Variants in MBTD1 observed in about 807,000 individuals in gnomAD.
MBTD1 encodes MBT domain-containing protein 1.
A neutral mutation model predicts 87.8 loss-of-function variants in MBTD1; 24 were observed. That is an observed-to-expected ratio of 0.27 (90% confidence interval 0.20 to 0.38). The LOEUF (loss-of-function observed/expected upper bound fraction) is 0.38, where lower values mean the gene tolerates loss of function less well. MBTD1 is among the 10% of genes least tolerant of loss of function. The probability of loss-of-function intolerance (pLI) is 1.00; values close to 1 mark genes in which losing one functional copy is unlikely to be tolerated. For missense variants in MBTD1, 436 were observed against 760.2 expected (o/e 0.57, Z 5.02); for synonymous variants, 237 against 248.6 (o/e 0.95, Z 0.44).
chr17:51,206,796 G>T, intron 7 of MBTD1, 92 bp downstream of exon 7: 1 of 826,838 alleles, frequency 1.2e-6, no homozygotes, highest in Non-Finnish European at 2.0e-6. Context: ...TTTTTATTTG[G>T]CAATACTTGC....
At chr17:51,207,053 A>C (rs1253502106) in intron 6 of MBTD1, 48 bp from the exon 7 acceptor site, 1 of 991,264 alleles carries the variant, frequency 1.0e-6, no homozygotes, top group South Asian at 1.4e-5. Context: ...CATAAAGCCT[A>C]AAACATATCA....
intron 12 of MBTD1, among the ~76,000 whole-genome samples, chr17:51,200,264 A>C (rs2051383978): frequency 6.6e-6 from 1 of 152,072 alleles, no homozygotes; most frequent in Non-Finnish European, 1.5e-5. Context: ...CTGAGACCTT[A>C]AAAAAATGCC....
Position 51,203,903 on chromosome 17 carries a change from A to G in MBTD1, c.627T>C (p.Tyr209=), listed in dbSNP as rs1389127172. Residue 209 remains tyrosine, a synonymous_variant, in exon 8 of 17, where the codon TAT becomes TAC. Transcript: ENST00000586178. The stretch of plus-strand genomic sequence containing the variant: ...GACCAGAGTCATTTTCAAATCCTTC[A>G]TATCTTAAAAGGGCATTGTAACCTG... The part of the protein sequence containing the change: ...KLAGYNALLR[Y]EGFENDSGLD... 1.4e-5 allele frequency: 23 copies of G among 1,609,948 alleles called. No individual in the cohort carries two copies. The highest frequency in any genetic ancestry group is 1.6e-4 in the Middle Eastern group (1 of 6,076).
In MBTD1 at chr17:51,207,897, C is replaced by T. The variant is rs145064221; in HGVS notation, c.487-892G>A. On this transcript the variant is annotated intron_variant, in intron 6 of 16. Coordinates refer to ENST00000586178, the MANE Select transcript of MBTD1 (RefSeq NM_017643.3). ...TGATAACACTAAACAGTTTGTGTTG[C>T]TCTGGACAGTCAGTTCCTCATTCAA... Among the ~76,000 whole-genome samples, 8 of 152,290 alleles carry T rather than the reference C, an allele frequency of 5.3e-5. 1 individual carries two copies. The highest frequency in any genetic ancestry group is 7.4e-5 in the Non-Finnish European group (5 of 68,020).
At chr17:51,258,294 T>C (rs1364155430) in intron 2 of MBTD1, among the ~76,000 whole-genome samples, 6 of 152,190 alleles carry the variant, frequency 3.9e-5, no homozygotes, top group Non-Finnish European at 8.8e-5. Flanking sequence ...TCCAAGATTC[T>C]TAGGCCAATA....
chr17:51,260,392 G>A (rs1249717700), upstream of MBTD1: 4 of 620,632 alleles, frequency 6.4e-6, no homozygotes, highest in Non-Finnish European at 1.1e-5. Flanking sequence ...CCTCCCGGAG[G>A]AACTCCCACA....
intron 6 of MBTD1, chr17:51,209,270 C>A (rs2052031212): frequency 4.6e-6 from 2 of 436,182 alleles, no homozygotes; most frequent in African/African-American, 2.0e-5. Context: ...ATTGGCATAG[C>A]ATGAACTAGC....
At chr17:51,241,422 A>G (rs935635250) in intron 2 of MBTD1, among the ~76,000 whole-genome samples, 1 of 152,196 alleles carries the variant, frequency 6.6e-6, no homozygotes. Flanking sequence ...TTTAGGATCC[A>G]ATGATTCTTG....
At chr17:51,187,678 C>T (rs997706709) in intron 16 of MBTD1, among the ~76,000 whole-genome samples, 5 of 151,754 alleles carry the variant, frequency 3.3e-5, no homozygotes, top group South Asian at 2.1e-4. Flanking sequence ...AGTGAAACCC[C>T]GTCTCTACTA....
chr17:51,245,270 T>TA (rs1356160148), intron 2 of MBTD1, among the ~76,000 whole-genome samples: 24 of 152,180 alleles, frequency 1.6e-4, no homozygotes, highest in Admixed American at 1.4e-3. Flanking sequence ...TTAGGGTTTT[T>TA]AGTCTTAATT....
intron 10 of MBTD1, 42 bp downstream of exon 10, chr17:51,202,659 T>G: frequency 6.3e-6 from 9 of 1,427,584 alleles, no homozygotes; most frequent in Non-Finnish European, 5.9e-6. Flanking sequence ...ATAATCAGCC[T>G]CAATGATGCT....
intron 2 of MBTD1, among the ~76,000 whole-genome samples, chr17:51,228,293 T>C (rs900609697): frequency 1.3e-5 from 2 of 152,116 alleles, no homozygotes; most frequent in African/African-American, 4.8e-5. Flanking sequence ...GCTTAGTATC[T>C]GGGTGATGAA....
At chr17:51,199,923 C>T (rs1203031437) in intron 12 of MBTD1, among the ~76,000 whole-genome samples, 3 of 151,942 alleles carry the variant, frequency 2.0e-5, no homozygotes. Flanking sequence ...CTCCCGGGTT[C>T]AAGTGATTCT....
intron 6 of MBTD1, among the ~76,000 whole-genome samples, chr17:51,216,240 T>C (rs1045681287): frequency 1.1e-4 from 16 of 152,264 alleles, no homozygotes; most frequent in Admixed American, 9.8e-4. Flanking sequence ...CCTAGAGCCC[T>C]AAGTTAACAA....
chr17:51,200,066 C>A (rs1219805161), intron 12 of MBTD1, among the ~76,000 whole-genome samples: 2 of 152,204 alleles, frequency 1.3e-5, no homozygotes, highest in Non-Finnish European at 1.5e-5. Flanking sequence ...ACCTCGTGAT[C>A]CGCTTGCCTT....
In MBTD1 at chr17:51,216,322, A is replaced by C. The variant is rs555835998; in HGVS notation, c.486+1012T>G. ...TCTTCTTAAACATGTATAGCAGCAG[A>C]AAAGATCTTTAAGTATTAATTAAAG... is the stretch of plus-strand genomic sequence containing the variant. On this transcript the variant is annotated intron_variant, in intron 6 of 16. Transcript: ENST00000586178. Among the ~76,000 whole-genome samples the C allele has an allele frequency of 1.2e-4, 19 of 152,362 alleles. No homozygotes were observed. In the South Asian group the frequency reaches 3.7e-3, roughly 30 times the overall value.
intron 1 of MBTD1, 119 bp from the exon 2 acceptor site, chr17:51,259,325 T>C (rs2055302333): frequency 1.8e-6 from 2 of 1,132,150 alleles, no homozygotes; most frequent in Admixed American, 4.3e-5. Flanking sequence ...CACTCCCACC[T>C]CTCCCGCACG....
intron 16 of MBTD1, among the ~76,000 whole-genome samples, chr17:51,187,539 G>C (rs2050595053): frequency 6.6e-6 from 1 of 152,000 alleles, no homozygotes; most frequent in Admixed American, 6.6e-5. Flanking sequence ...CAGGCATAGT[G>C]CATTAATCAT....
At chr17:51,235,320 G>C (rs535565788) in intron 2 of MBTD1, among the ~76,000 whole-genome samples, 1 of 151,962 alleles carries the variant, frequency 6.6e-6, no homozygotes, top group South Asian at 2.1e-4. Flanking sequence ...ATTTTTAGTA[G>C]AGATGGGGGG....
Sources: gnomAD v4.1 joint callset for allele counts (sites outside exome capture counted in the v4.1 genomes callset) on GRCh38, gnomAD v4.1.1 for gene constraint, MANE v1.5 for transcripts, NCBI Gene and HGNC (gene_info 2026-07-23, HGNC 2026-07-21) for gene names.